The following TMTC2 variants were observed in gnomAD, a reference collection of about 807,000 sequenced individuals.
TMTC2 encodes transmembrane O-mannosyltransferase targeting cadherins 2, also known as protein O-mannosyl-transferase TMTC2.
In TMTC2, 43 loss-of-function variants were observed where a neutral mutation model predicts 82.4. That is an observed-to-expected ratio of 0.52 (90% CI 0.41 to 0.67). TMTC2 has a LOEUF of 0.67. Among genes scored for constraint, TMTC2 ranks in the 30% least tolerant of loss-of-function variants. The pLI is 0.00. For missense variants in TMTC2, 919 were observed against 1,012.4 expected (o/e 0.91, Z 1.25); for synonymous variants, 408 against 381.9 (o/e 1.07, Z -0.80).
At chr12:82,722,398 C>CA (rs67785786) in intron 1 of TMTC2, among the ~76,000 whole-genome samples, 84,910 of 102,502 alleles carry the variant, frequency 0.83, 35,115 homozygotes, top group Non-Finnish European at 0.85. Context: ...ACTAAAAATA[C>CA]AAAAAAAAAA....
At chr12:82,809,730 A>G (rs1333544869) in intron 1 of TMTC2, among the ~76,000 whole-genome samples, 1 of 152,128 alleles carries the variant, frequency 6.6e-6, no homozygotes, top group Non-Finnish European at 1.5e-5. Context: ...AGTTGCCTGG[A>G]GCACAGTAGT....
At chr12:82,971,348 G>T (rs1021111252) in intron 7 of TMTC2, among the ~76,000 whole-genome samples, 1 of 151,970 alleles carries the variant, frequency 6.6e-6, no homozygotes, top group Admixed American at 6.6e-5. Flanking sequence ...AACCTCTACA[G>T]TTTTACTATA....
chr12:83,075,061 C>G (rs148503217), intron 11 of TMTC2, among the ~76,000 whole-genome samples: 1 of 152,142 alleles, frequency 6.6e-6, no homozygotes, highest in Non-Finnish European at 1.5e-5. Context: ...CTGCTGCTTC[C>G]TCTACCCCTG....
intron 1 of TMTC2, among the ~76,000 whole-genome samples, chr12:82,795,877 T>C (rs1043102252): frequency 5.3e-5 from 8 of 152,252 alleles, no homozygotes; most frequent in East Asian, 1.9e-4. Flanking sequence ...CAGTCTCCAG[T>C]GTTTTGTTAT....
chr12:83,049,651 G>A (rs1231080568), intron 9 of TMTC2, among the ~76,000 whole-genome samples: 4 of 152,130 alleles, frequency 2.6e-5, no homozygotes, highest in Non-Finnish European at 4.4e-5. Flanking sequence ...ATGATAGAAC[G>A]ATTTCTATTA....
intron 8 of TMTC2, among the ~76,000 whole-genome samples, chr12:82,996,515 A>T (rs2137357816): frequency 6.6e-6 from 1 of 152,364 alleles, no homozygotes; most frequent in Admixed American, 6.5e-5. Flanking sequence ...CAAAAGTGAC[A>T]GGATGAGGTA....
At chr12:82,844,863 A>G (rs1308186087) in intron 1 of TMTC2, among the ~76,000 whole-genome samples, 1 of 152,004 alleles carries the variant, frequency 6.6e-6, no homozygotes, top group Non-Finnish European at 1.5e-5. Flanking sequence ...ATCGAACTTC[A>G]TTAAAAAAAG....
In TMTC2 at chr12:83,037,884, T is replaced by C. The variant is rs149954473; in HGVS notation, c.2152+7005T>C. Among the ~76,000 whole-genome samples, 74 of 152,006 alleles carry C rather than the reference T, an allele frequency of 4.9e-4. 1 individual carries two copies. The Middle Eastern group carries it at 0.021, about 42-fold the overall frequency. On this transcript the variant is annotated intron_variant, in intron 9 of 11. Coordinates refer to ENST00000321196, the MANE Select transcript of TMTC2 (RefSeq NM_152588.3). ...AATAAACCGTTAAAGAATAATTTCT[T>C]TAAAGGCAAAAAATAAAAGATCAAT...
At chr12:82,781,691 T>C (rs1426782592) in intron 1 of TMTC2, among the ~76,000 whole-genome samples, 1 of 150,008 alleles carries the variant, frequency 6.7e-6, no homozygotes, top group Non-Finnish European at 1.5e-5. Flanking sequence ...TCCTCTGTTG[T>C]TATTATTATT....
intron 3 of TMTC2, among the ~76,000 whole-genome samples, chr12:82,902,642 A>G (rs1018172928): frequency 6.6e-6 from 1 of 152,166 alleles, no homozygotes; most frequent in Non-Finnish European, 1.5e-5. Context: ...AAGTCAGGGC[A>G]TGGTGTTCCA....
chr12:82,759,852 T>C (rs1388509186), intron 1 of TMTC2: 4 of 152,224 alleles, frequency 2.6e-5, no homozygotes, highest in African/African-American at 9.6e-5. Context: ...CAGGAGTTAA[T>C]GTTTAAAGTG....
intron 11 of TMTC2, among the ~76,000 whole-genome samples, chr12:83,117,215 G>C (rs1280367085): frequency 2.0e-5 from 3 of 151,550 alleles, no homozygotes; most frequent in Non-Finnish European, 4.4e-5. Context: ...TGTTTGCTTT[G>C]TCTGTTTCAT....
At chr12:82,942,939 T>A (rs768913315) in intron 4 of TMTC2, among the ~76,000 whole-genome samples, 1 of 152,234 alleles carries the variant, frequency 6.6e-6, no homozygotes, top group Non-Finnish European at 1.5e-5. Context: ...ATAAATTGTA[T>A]ATAACATAAA....
chr12:83,089,847 C>CAAAAAAAAA (rs200273951), intron 11 of TMTC2, among the ~76,000 whole-genome samples: 5 of 135,728 alleles, frequency 3.7e-5, no homozygotes, highest in African/African-American at 1.4e-4. Context: ...AAACAAAAAA[C>CAAAAAAAAA]AAAAAAAAAA....
chr12:82,797,807 A>G (rs1313738273), intron 1 of TMTC2, among the ~76,000 whole-genome samples: 3 of 151,974 alleles, frequency 2.0e-5, no homozygotes, highest in Admixed American at 6.6e-5. Context: ...GGAAGATTAG[A>G]TCATACAATT....
intron 2 of TMTC2, among the ~76,000 whole-genome samples, chr12:82,859,025 G>C (rs1451158315): frequency 1.3e-5 from 2 of 151,748 alleles, no homozygotes; most frequent in Non-Finnish European, 2.9e-5. Context: ...CTTAGTGCTG[G>C]CTGTTTCAGG....
At chr12:82,924,954 C>T (rs991074718) in intron 3 of TMTC2, among the ~76,000 whole-genome samples, 9 of 152,166 alleles carry the variant, frequency 5.9e-5, no homozygotes, top group African/African-American at 2.2e-4. Context: ...TTGCCTATCT[C>T]TGTGACTTCA....
intron 1 of TMTC2, among the ~76,000 whole-genome samples, chr12:82,710,049 T>C (rs898862552): frequency 2.0e-5 from 3 of 152,230 alleles, no homozygotes; most frequent in African/African-American, 4.8e-5. Context: ...GCGCTTACAT[T>C]ATGTAAGGCT....
chr12:83,098,193 A>G (rs1247540803), intron 11 of TMTC2, among the ~76,000 whole-genome samples: 1 of 152,172 alleles, frequency 6.6e-6, no homozygotes, highest in Non-Finnish European at 1.5e-5. Flanking sequence ...TATTCAGAAT[A>G]ACTGACTCCA....
Sources: allele counts gnomAD v4.1 joint callset (sites outside exome capture counted in the v4.1 genomes callset), GRCh38; gene constraint gnomAD v4.1.1; transcripts MANE v1.5; gene names NCBI Gene and HGNC (gene_info 2026-07-23, HGNC 2026-07-21).